LMBRD2: variants seen among roughly 807,000 people sequenced by gnomAD.
The protein encoded by LMBRD2 is G protein-coupled receptor-associated protein LMBRD2.
A neutral mutation model predicts 94.4 loss-of-function variants in LMBRD2; 55 were observed. That is an observed-to-expected ratio of 0.58 (90% CI 0.47 to 0.73). The LOEUF is 0.73. Ranked by LOEUF, LMBRD2 falls within the 30% of genes least tolerant of loss-of-function variation. LMBRD2 has a pLI of 0.00. For missense variants in LMBRD2, 640 were observed against 831.9 expected (o/e 0.77, Z 2.84); for synonymous variants, 246 against 272.4 (o/e 0.90, Z 0.95).
chr5:36,146,931 T>A (rs1579532813), intron 1 of LMBRD2, among the ~76,000 whole-genome samples: 2 of 128,264 alleles, frequency 1.6e-5, no homozygotes, highest in African/African-American at 4.5e-5. Flanking sequence ...CGTGTGTGTG[T>A]GTGTGTGTGA....
Position 36,125,529 on chromosome 5 carries a change from G to A in LMBRD2, c.748-1264C>T, listed in dbSNP as rs533762664. Among the ~76,000 whole-genome samples, 43 of 152,152 alleles carry A rather than the reference G, an allele frequency of 2.8e-4. 1 individual carries two copies. The South Asian group carries it at 5.4e-3, about 19-fold the overall frequency. On this transcript the variant is annotated intron_variant, in intron 6 of 17. Transcript: ENST00000296603. ...AATGTCTAAAAAGATATCTGAGCTC[G>A]CTAAAAACAGTTACAGATTTTAAAA...
intron 6 of LMBRD2, among the ~76,000 whole-genome samples, chr5:36,130,529 C>T (rs777387535): frequency 6.6e-6 from 1 of 152,018 alleles, no homozygotes; most frequent in Non-Finnish European, 1.5e-5. Flanking sequence ...AAGAATATCA[C>T]AAAACAACCA....
chr5:36,137,918 T>C (rs1744309228), intron 4 of LMBRD2, among the ~76,000 whole-genome samples: 1 of 152,098 alleles, frequency 6.6e-6, no homozygotes, highest in South Asian at 2.1e-4. Flanking sequence ...AAAATATGGA[T>C]AGCTTCCGAA....
chr5:36,104,579 A>G (rs1743420486), intron 17 of LMBRD2, among the ~76,000 whole-genome samples: 1 of 152,008 alleles, frequency 6.6e-6, no homozygotes, highest in Admixed American at 6.6e-5. Context: ...CTTGCCATTT[A>G]CAAGTTGTGT....
Position 36,111,222 on chromosome 5 carries a change from C to T in LMBRD2, c.1677G>A (p.Gln559=), listed in dbSNP as rs767991191. 21 of 1,611,982 alleles carry T rather than the reference C, an allele frequency of 1.3e-5. No homozygotes were observed. In the South Asian group the frequency reaches 2.1e-4, roughly 16 times the overall value. Residue 559 remains glutamine (Q), a synonymous_variant, in exon 14 of 18, where the codon CAG becomes CAA. Transcript: ENST00000296603. Reference sequence around the variant, plus strand: ...TCATATCATCATCTCCCATAAACTGCTGGAAACCGAGCAGATTCAAACAAC... The same window carrying T: ...TCATATCATCATCTCCCATAAACTGTTGGAAACCGAGCAGATTCAAACAAC... ...GTRCLNLLGF[Q]QFMGDDDMTS...
intron 6 of LMBRD2, among the ~76,000 whole-genome samples, chr5:36,130,231 A>G (rs913497685): frequency 6.6e-6 from 1 of 152,202 alleles, no homozygotes; most frequent in Non-Finnish European, 1.5e-5. Context: ...CAACTTTTTA[A>G]GACACAGATA....
At chr5:36,105,304 G>A in intron 16 of LMBRD2, 107 bp from the exon 17 acceptor site, 3 of 951,032 alleles carry the variant, frequency 3.2e-6, no homozygotes, top group Non-Finnish European at 3.2e-6. Flanking sequence ...GGAATCTGAA[G>A]ACAAAGAACA....
intron 4 of LMBRD2, among the ~76,000 whole-genome samples, chr5:36,139,269 C>G (rs1351828363): frequency 6.6e-6 from 1 of 152,230 alleles, no homozygotes; most frequent in Non-Finnish European, 1.5e-5. Flanking sequence ...CTGACACCAG[C>G]CCCCGGCTGC....
In LMBRD2 at chr5:36,108,695, CAA is replaced by C. The variant is rs1255848108; in HGVS notation, c.1792-58_1792-57del. Reference sequence around the variant, plus strand: ...AGAACAGAAAATAATTCATTAATGTCAAGAGATTACATATGCAATATAATTTA... The same window carrying C: ...AGAACAGAAAATAATTCATTAATGTCGAGATTACATATGCAATATAATTTA... On this transcript the variant is annotated intron_variant, in intron 15 of 17. Transcript: ENST00000296603. 8.4e-6 allele frequency: 6 copies of C among 714,692 alleles called. No individual in the cohort carries two copies. The Admixed American group carries it at 1.3e-4, about 16-fold the overall frequency. The allele number at this position is 714,692 out of a possible 1,614,324, so 44.3% of individuals were successfully genotyped here. A position where few individuals can be genotyped will look rare whatever the true frequency, so the allele number is the denominator to read the frequency against.
intron 5 of LMBRD2, 79 bp downstream of exon 5, chr5:36,137,195 T>C: frequency 1.1e-6 from 1 of 920,574 alleles, no homozygotes; most frequent in Non-Finnish European, 1.6e-6. Context: ...TCTTTTTACC[T>C]GCACATATGA....
At chr5:36,143,519 T>C in intron 1 of LMBRD2, 113 bp from the exon 2 acceptor site, 1 of 456,000 alleles carries the variant, frequency 2.2e-6, no homozygotes, top group East Asian at 3.4e-5. Flanking sequence ...TTTGGAGAAA[T>C]GTCATGCTTC....
chr5:36,109,452 C>G (rs1376900459), intron 15 of LMBRD2, among the ~76,000 whole-genome samples: 1 of 151,972 alleles, frequency 6.6e-6, no homozygotes, highest in African/African-American at 2.4e-5. Flanking sequence ...AGTATATACA[C>G]CCATTTGTTA....
intron 9 of LMBRD2, among the ~76,000 whole-genome samples, chr5:36,120,537 G>T (rs970326785): frequency 2.0e-5 from 3 of 152,160 alleles, no homozygotes; most frequent in African/African-American, 7.2e-5. Context: ...GGGATTACAG[G>T]TGTGAGCCAC....
chr5:36,149,313 A>G (rs1038697131), intron 1 of LMBRD2, among the ~76,000 whole-genome samples: 33 of 152,360 alleles, frequency 2.2e-4, no homozygotes, highest in African/African-American at 7.5e-4. Flanking sequence ...CCACCACCAC[A>G]GAGACTATCA....
At chr5:36,124,952 ATTAAAAT>A (rs901966266) in intron 6 of LMBRD2, among the ~76,000 whole-genome samples, 5 of 152,086 alleles carry the variant, frequency 3.3e-5, no homozygotes, top group African/African-American at 1.2e-4. Context: ...AAATAAATAG[ATTAAAAT>A]TTAAAAATAG....
In LMBRD2 at chr5:36,098,822, A is replaced by T. The variant is rs183202974; in HGVS notation, c.*5224T>A. 15 of 151,378 alleles carry T rather than the reference A, an allele frequency of 9.9e-5. No individual in the cohort carries two copies. The East Asian group carries it at 2.7e-3, about 27-fold the overall frequency. The allele number at this position is 151,378 out of a possible 1,614,324, so 9.4% of individuals were successfully genotyped here. On this transcript the variant is annotated 3_prime_UTR_variant, in exon 18 of 18. Transcript: ENST00000296603. ...AAATGTAGTGAGAATCTACAGAGAA[A>T]AAAAATAGTTTAATCTACAACCCAA...
intron 1 of LMBRD2, among the ~76,000 whole-genome samples, chr5:36,144,491 T>C (rs558289641): frequency 7.9e-5 from 12 of 152,188 alleles, no homozygotes; most frequent in African/African-American, 2.2e-4. Flanking sequence ...ATGACCAGCC[T>C]GGGCCAACAT....
chr5:36,127,115 C>A (rs1344487627), intron 6 of LMBRD2, among the ~76,000 whole-genome samples: 1 of 152,324 alleles, frequency 6.6e-6, no homozygotes, highest in East Asian at 1.9e-4. Flanking sequence ...ATTTTCTACT[C>A]TAGAAAGTCA....
At chr5:36,146,873 T>C (rs997979546) in intron 1 of LMBRD2, among the ~76,000 whole-genome samples, 8 of 152,096 alleles carry the variant, frequency 5.3e-5, no homozygotes, top group Non-Finnish European at 1.0e-4. Flanking sequence ...ATAATCACCA[T>C]AGTCAAACAA....
Sources: allele counts gnomAD v4.1 joint callset (sites outside exome capture counted in the v4.1 genomes callset), GRCh38; gene constraint gnomAD v4.1.1; transcripts MANE v1.5; gene names NCBI Gene and HGNC (gene_info 2026-07-23, HGNC 2026-07-21).